Variants in CATSPERT observed in about 807,000 individuals in gnomAD.
CATSPERT encodes catsper channel auxiliary subunit tau.
the CATSPERT span, among the ~76,000 whole-genome samples, chr2:201,510,540 C>G: frequency 1.3e-5 from 2 of 152,166 alleles, no homozygotes; most frequent in South Asian, 4.1e-4. Flanking sequence ...GAGGCAGTGT[C>G]AAGACTGCTA....
At chr2:201,494,258 C>G in the CATSPERT span, 1 of 1,536,930 alleles carries the variant, frequency 6.5e-7, no homozygotes, top group Non-Finnish European at 8.7e-7. Context: ...ATACTAACTT[C>G]TGGTTTAGAA....
At chr2:201,487,585 A>G in the CATSPERT span, 1 of 1,590,258 alleles carries the variant, frequency 6.3e-7, no homozygotes. Flanking sequence ...AACATGTTTT[A>G]TAATATCACA....
chr2:201,582,334 G>A, the CATSPERT span: 10 of 982,374 alleles, frequency 1.0e-5, no homozygotes, highest in African/African-American at 1.7e-5. Flanking sequence ...AAATACTATT[G>A]CATACTATAT....
the CATSPERT span, among the ~76,000 whole-genome samples, chr2:201,539,831 A>G: frequency 2.5e-3 from 380 of 152,226 alleles, 2 homozygotes; most frequent in African/African-American, 8.8e-3. Context: ...TTAAATCAAA[A>G]GCTAGAAATG....
At chr2:201,570,175 A>T in the CATSPERT span, among the ~76,000 whole-genome samples, 3 of 152,118 alleles carry the variant, frequency 2.0e-5, no homozygotes, top group African/African-American at 7.2e-5. Flanking sequence ...TGTCTCCAAA[A>T]AAATAAATAA....
chr2:201,577,460 C>T, the CATSPERT span, among the ~76,000 whole-genome samples: 1 of 152,102 alleles, frequency 6.6e-6, no homozygotes, highest in Non-Finnish European at 1.5e-5. Flanking sequence ...CATGTCAGCA[C>T]GATAGCCAAG....
At chr2:201,577,482 A>T in the CATSPERT span, among the ~76,000 whole-genome samples, 3 of 152,262 alleles carry the variant, frequency 2.0e-5, no homozygotes, top group Non-Finnish European at 4.4e-5. Context: ...TATGGAAGCA[A>T]CCTAGTGTTC....
chr2:201,529,509 CTCTT>C, the CATSPERT span, among the ~76,000 whole-genome samples: 1 of 152,052 alleles, frequency 6.6e-6, no homozygotes, highest in Admixed American at 6.5e-5. Flanking sequence ...AAAGAACAGA[CTCTT>C]TAATAAATGA....
chr2:201,565,838 C>T, the CATSPERT span: 9 of 1,608,538 alleles, frequency 5.6e-6, no homozygotes, highest in Non-Finnish European at 5.9e-6. Context: ...GATAAGAATG[C>T]TGGATATTCT....
chr2:201,591,018 T>C, the CATSPERT span, among the ~76,000 whole-genome samples: 6 of 152,368 alleles, frequency 3.9e-5, no homozygotes, highest in South Asian at 1.2e-3. Flanking sequence ...TAGGCTTTTG[T>C]TGCCATTGCT....
At chr2:201,536,195 T>C in the CATSPERT span, 1 of 1,613,146 alleles carries the variant, frequency 6.2e-7, no homozygotes, top group Non-Finnish European at 8.5e-7. Flanking sequence ...TAGTGCACAA[T>C]GAGTGCACTT....
the CATSPERT span, chr2:201,491,869 TC>T: frequency 4.6e-6 from 7 of 1,536,862 alleles, no homozygotes; most frequent in Non-Finnish European, 6.1e-6. Context: ...AACAGAATTT[TC>T]TGCTTGAGGA....
the CATSPERT span, chr2:201,566,021 GC>G: frequency 1.7e-6 from 1 of 601,592 alleles, no homozygotes; most frequent in Non-Finnish European, 2.6e-6. Context: ...TAGGAAAAAA[GC>G]CAAGAGCCAC....
the CATSPERT span, chr2:201,494,770 A>T: frequency 4.8e-6 from 7 of 1,466,978 alleles, no homozygotes; most frequent in Non-Finnish European, 6.3e-6. Flanking sequence ...CTGCAATATT[A>T]AAAAAAAGGT....
At chr2:201,494,050 C>T in the CATSPERT span, 836 of 1,535,346 alleles carry the variant, frequency 5.4e-4, 7 homozygotes, top group African/African-American at 0.01. Context: ...AATTATTTGA[C>T]TACCTTCTGA....
At chr2:201,518,285 C>T in the CATSPERT span, among the ~76,000 whole-genome samples, 1 of 152,210 alleles carries the variant, frequency 6.6e-6, no homozygotes. Context: ...CATTATGAAT[C>T]TGCCCAGATA....
the CATSPERT span, chr2:201,550,196 C>T: frequency 3.9e-5 from 6 of 152,158 alleles, no homozygotes; most frequent in African/African-American, 1.2e-4. Context: ...ATGACCAGGC[C>T]TATACTATGG....
the CATSPERT span, among the ~76,000 whole-genome samples, chr2:201,584,780 C>G: frequency 6.6e-6 from 1 of 150,994 alleles, no homozygotes; most frequent in East Asian, 1.9e-4. Flanking sequence ...AAGACTCTGT[C>G]TCAAAAAAAA....
the CATSPERT span, among the ~76,000 whole-genome samples, chr2:201,526,886 T>G: frequency 1.3e-5 from 2 of 152,188 alleles, no homozygotes; most frequent in Non-Finnish European, 2.9e-5. Context: ...CTACTCCTAT[T>G]CAATGTAGTT....
Sources: allele counts gnomAD v4.1 joint callset (sites outside exome capture counted in the v4.1 genomes callset), GRCh38; gene constraint gnomAD v4.1.1; transcripts MANE v1.5; gene names NCBI Gene and HGNC (gene_info 2026-07-23, HGNC 2026-07-21).